FRMPD2: variants seen among roughly 807,000 people sequenced by gnomAD.
FRMPD2 encodes FERM and PDZ domain containing 2.
In FRMPD2, 96 loss-of-function variants were observed where a neutral mutation model predicts 140.1. That is an observed-to-expected ratio of 0.69 (90% CI 0.58 to 0.81). The LOEUF (loss-of-function observed/expected upper bound fraction) is 0.81, where lower values mean the gene tolerates loss of function less well. Ranked by LOEUF, FRMPD2 falls within the 40% of genes least tolerant of loss-of-function variation. The pLI, the probability that FRMPD2 is intolerant of heterozygous loss-of-function variation, is 0.00. For missense variants in FRMPD2, 1,240 were observed against 1,447.4 expected, an observed-to-expected ratio of 0.86 and a Z score of 2.32; for synonymous variants, 449 against 547.6, an observed-to-expected ratio of 0.82 and a Z score of 2.52.
chr10:48,247,516 G>A (rs564311604), intron 3 of FRMPD2, among the ~76,000 whole-genome samples: 41 of 152,372 alleles, frequency 2.7e-4, no homozygotes, highest in Admixed American at 1.5e-3. Flanking sequence ...AGCCTGAAGT[G>A]CAGCAGACAG....
chr10:48,245,407 G>A (rs1175738010), intron 3 of FRMPD2, among the ~76,000 whole-genome samples: 1 of 152,182 alleles, frequency 6.6e-6, no homozygotes, highest in Non-Finnish European at 1.5e-5. Context: ...ACACATTACA[G>A]TTCAGCCTGA....
rs1477118427 is a variant in FRMPD2 at position 48,238,037 on chromosome 10, C to T, written c.875G>A (p.Trp292Ter). The change falls in exon 8 of 29, where the codon TGG becomes TAG. Residue 292 changes from tryptophan to a stop codon, truncating the protein, a stop_gained. Coordinates refer to ENST00000374201, the MANE Select transcript of FRMPD2 (RefSeq NM_001018071.4). LOFTEE classifies it high-confidence loss of function. ...GSVHSAADSS[W>*]PTTPSQRGFL... ...ACCCCTCTGAGAAGGAGTTGTTGGC[C>T]ATGAGCTGTCTGCTGCCGAGTGCAC... 1 of 1,614,154 alleles carries T rather than the reference C, an allele frequency of 6.2e-7. No individual in the cohort carries two copies. The highest frequency in any genetic ancestry group is 8.5e-7 in the Non-Finnish European group (1 of 1,180,042).
At position 48,176,031 on chromosome 10, in the gene FRMPD2, C is replaced by A. The variant is rs533053198; in HGVS notation, c.2896-92G>T. 1,571 of 644,784 alleles carry A rather than the reference C, an allele frequency of 2.4e-3. 11 individuals are homozygous for A. Among genetic ancestry groups the A allele is most frequent in the South Asian group, 8.0e-3 (421 of 52,586 alleles). The allele number at this position is 644,784 out of a possible 1,614,324, so 39.9% of individuals were successfully genotyped here. On this transcript the variant is annotated intron_variant, in intron 22 of 28. Coordinates refer to ENST00000374201, the MANE Select transcript of FRMPD2 (RefSeq NM_001018071.4). The stretch of plus-strand genomic sequence containing the variant: ...AGCTAAGGGAATCCCCACCTGCCCA[C>A]CACTCTATCCCATGACCTTACCTCC...
intron 24 of FRMPD2, among the ~76,000 whole-genome samples, chr10:48,174,081 TAA>T (rs2132410116): frequency 1.3e-5 from 2 of 152,296 alleles, no homozygotes; most frequent in East Asian, 3.9e-4. Context: ...GTCACTAATA[TAA>T]GCAAATTTCA....
intron 28 of FRMPD2, among the ~76,000 whole-genome samples, chr10:48,161,959 C>G (rs1837952252): frequency 6.7e-6 from 1 of 150,038 alleles, no homozygotes; most frequent in East Asian, 2.0e-4. Flanking sequence ...TAATTCAGCT[C>G]TCAGGGTCCC....
intron 3 of FRMPD2, 49 bp downstream of exon 3, chr10:48,248,972 T>C (rs1332938216): frequency 6.6e-7 from 1 of 1,521,772 alleles, no homozygotes; most frequent in East Asian, 2.3e-5. Flanking sequence ...GGGACAGGCC[T>C]TTCCCAGGGC....
At chr10:48,261,437 A>C (rs537095710) in intron 1 of FRMPD2, among the ~76,000 whole-genome samples, 1 of 152,270 alleles carries the variant, frequency 6.6e-6, no homozygotes, top group East Asian at 1.9e-4. Context: ...TAGCAGAAAA[A>C]GGATAAGAAT....
chr10:48,244,767 G>T lies in FRMPD2; in HGVS notation c.375+17C>A, dbSNP rs760315817. 1 of 1,599,478 alleles carries T rather than the reference G, an allele frequency of 6.3e-7. No individual in the cohort carries two copies. Among genetic ancestry groups the T allele is most frequent in the Non-Finnish European group, 8.6e-7 (1 of 1,166,594 alleles). On this transcript the variant is annotated intron_variant, in intron 4 of 28. Coordinates refer to ENST00000374201, the MANE Select transcript of FRMPD2 (RefSeq NM_001018071.4). ...GAGACACAGCCCGGCAAGACTTGGA[G>T]TATCTTGTTTACAAACCTGATGTGG...
At chr10:48,247,988 C>T (rs970642234) in intron 3 of FRMPD2, among the ~76,000 whole-genome samples, 1 of 152,174 alleles carries the variant, frequency 6.6e-6, no homozygotes, top group Non-Finnish European at 1.5e-5. Context: ...AACTCTTATG[C>T]TTTCACTTTT....
At position 48,254,406 on chromosome 10, in the gene FRMPD2, C is replaced by T. The variant is rs1469775182; in HGVS notation, c.26-2715G>A. On this transcript the variant is annotated intron_variant, in intron 1 of 28. Coordinates refer to ENST00000374201, the MANE Select transcript of FRMPD2 (RefSeq NM_001018071.4). Reference sequence around the variant, plus strand: ...GGTCTGGCAGGCAGATGAGCCCTGCCCACCTCTCCAACTCCACTTCCCACC... The same window carrying T: ...GGTCTGGCAGGCAGATGAGCCCTGCTCACCTCTCCAACTCCACTTCCCACC... Among the ~76,000 whole-genome samples the T allele has an allele frequency of 2.0e-5, 3 of 152,212 alleles. No homozygotes were observed. The East Asian group carries it at 5.8e-4, about 29-fold the overall frequency.
rs1183266045 is a variant in FRMPD2, at chr10:48,171,001, A to G, written c.3431T>C (p.Ile1144Thr). 2 of 765,354 alleles carry G rather than the reference A, an allele frequency of 2.6e-6. No homozygotes were observed. The highest frequency in any genetic ancestry group is 1.8e-5 in the Admixed American group (1 of 56,270). 47.4% of individuals were successfully genotyped at this position (765,354 alleles called of 1,614,324 possible). ...GCCCATGACCCCCGGCACCTGGAAG[A>G]TGAGGCCTTCCGTGGACCTTCCATT... Reference protein sequence around the residue: ...AVNGRSTEGLIFQEVLHLLRG... With the variant: ...AVNGRSTEGLTFQEVLHLLRG... Residue 1144 changes from isoleucine (I) to threonine (T), a missense_variant, in exon 26 of 29, where the codon ATC becomes ACC. Physicochemically the swap from Ile to Thr is moderately conservative, Grantham distance 89. This residue lies in a region of FRMPD2 where 30 missense variants were observed against 227.5 expected (regional missense o/e 0.13). Transcript: ENST00000374201.
Position 48,249,238 on chromosome 10 carries a change from G to A in FRMPD2, c.152-60C>T, listed in dbSNP as rs1290965643. ...GAGCTTCCATCTGGGGTGCCAGCAT[G>A]GGACTGTGCCCAGCAGGTGCCTGGC... On this transcript the variant is annotated intron_variant, in intron 2 of 28. Coordinates refer to ENST00000374201, the MANE Select transcript of FRMPD2 (RefSeq NM_001018071.4). The A allele has an allele frequency of 1.9e-6, 3 of 1,559,226 alleles. No homozygotes were observed. The Admixed American group carries it at 5.3e-5, about 27-fold the overall frequency.
intron 16 of FRMPD2, among the ~76,000 whole-genome samples, chr10:48,192,140 C>T (rs779620067): frequency 2.6e-5 from 4 of 152,254 alleles, no homozygotes; most frequent in South Asian, 2.1e-4. Flanking sequence ...CACCAAAAGA[C>T]GGGAGCATCA....
chr10:48,187,319 A>G (rs1207689179), intron 16 of FRMPD2, 27 bp from the exon 17 acceptor site: 1 of 1,603,476 alleles, frequency 6.2e-7, no homozygotes, highest in Non-Finnish European at 8.5e-7. Flanking sequence ...ATGAGGTTAG[A>G]TAAGGTGGCC....
At chr10:48,175,235 GT>G (rs760810910) in intron 23 of FRMPD2, 271 of 714,758 alleles carry the variant, frequency 3.8e-4, no homozygotes, top group Non-Finnish European at 5.5e-4. Context: ...CCTTCCTCCT[GT>G]TTTCCTGTGA....
chr10:48,217,700 T>C (rs1042986770), intron 12 of FRMPD2, among the ~76,000 whole-genome samples: 8 of 152,324 alleles, frequency 5.3e-5, no homozygotes, highest in African/African-American at 1.9e-4. Flanking sequence ...CCATGGGACA[T>C]GGCAAAAAAA....
intron 28 of FRMPD2, among the ~76,000 whole-genome samples, chr10:48,161,082 T>C (rs1296977775): frequency 4.6e-5 from 7 of 151,072 alleles, no homozygotes; most frequent in East Asian, 2.0e-4. Context: ...GGGGGTGCGG[T>C]TGGCCATTGA....
intron 10 of FRMPD2, 109 bp from the exon 11 acceptor site, chr10:48,223,379 G>A (rs1839654842): frequency 7.5e-6 from 8 of 1,064,454 alleles, no homozygotes; most frequent in Non-Finnish European, 1.1e-5. Flanking sequence ...AGCTGGGTGA[G>A]TGCAGGAGTG....
intron 27 of FRMPD2, among the ~76,000 whole-genome samples, chr10:48,168,192 A>G (rs1174002427): frequency 7.6e-6 from 1 of 130,860 alleles, no homozygotes; most frequent in Non-Finnish European, 1.6e-5. Context: ...ACCAGACTGC[A>G]CGTGCCTATT....
Sources: allele counts gnomAD v4.1 joint callset (sites outside exome capture counted in the v4.1 genomes callset), GRCh38; gene constraint gnomAD v4.1.1; regional missense constraint gnomAD v4.1.1; transcripts MANE v1.5; gene names NCBI Gene and HGNC (gene_info 2026-07-23, HGNC 2026-07-21).